The following ZNF385D variants were observed in gnomAD, a reference collection of about 807,000 sequenced individuals.
ZNF385D encodes the protein zinc finger protein 385D, also known as zinc finger protein 659.
In ZNF385D, 15 loss-of-function variants were observed where a neutral mutation model predicts 35.8. The observed-to-expected ratio is 0.42, with a 90% CI of 0.28 to 0.64. The LOEUF is 0.64. Ranked by LOEUF, ZNF385D falls within the 30% of genes least tolerant of loss-of-function variation. The pLI is 0.23. For missense variants in ZNF385D, 474 were observed against 494.6 expected (o/e 0.96, Z 0.39); for synonymous variants, 212 against 186.8 (o/e 1.13, Z -1.10).
At chr3:21,423,772 T>A (rs145421703) in intron 7 of ZNF385D, among the ~76,000 whole-genome samples, 191 bp downstream of exon 7, 5 of 152,334 alleles carry the variant, frequency 3.3e-5, no homozygotes, top group East Asian at 3.9e-4. Context: ...CCAGATTTCA[T>A]GGGATTACTT....
chr3:21,566,910 T>A (rs930623198), intron 2 of ZNF385D, among the ~76,000 whole-genome samples: 2 of 152,138 alleles, frequency 1.3e-5, no homozygotes, highest in African/African-American at 4.8e-5. Context: ...CATTTCTGTC[T>A]CAGTATTTTG....
rs187418235 is a variant in ZNF385D at position 22,308,266 on chromosome 3, G to A, written c.106+64184C>T. On this transcript the variant is annotated intron_variant, in intron 2 of 5. Transcript: ENST00000494108. ...ATTTTAGGTTATTACTCATCTGAGC[G>A]GAATTTTATATTATTAAAAAATAAT... Among the ~76,000 whole-genome samples the A allele has an allele frequency of 7.2e-5, 11 of 151,964 alleles. No homozygotes were observed. In the East Asian group the frequency reaches 1.5e-3, roughly 21 times the overall value.
At chr3:22,137,664 G>C (rs913676804) in intron 3 of ZNF385D, among the ~76,000 whole-genome samples, 21 of 152,078 alleles carry the variant, frequency 1.4e-4, no homozygotes, top group Non-Finnish European at 2.8e-4. Flanking sequence ...TTGATGGGAC[G>C]TATCTCAAAA....
At chr3:21,732,044 T>TTTTTTGAGAACGGCG (rs2069033691) in intron 1 of ZNF385D, among the ~76,000 whole-genome samples, 1 of 45,602 alleles carries the variant, frequency 2.2e-5, no homozygotes, top group Non-Finnish European at 5.2e-5. Flanking sequence ...TTTTTTTTTT[T>TTTTTTGAGAACGGCG]TTTTTTTTTT....
chr3:21,696,002 T>C lies in ZNF385D; in HGVS notation c.23-30974A>G, dbSNP rs562864292. 2.6e-5 allele frequency among the ~76,000 whole-genome samples: 4 copies of C among 152,238 alleles called. No individual in the cohort carries two copies. The South Asian group carries it at 8.3e-4, about 32-fold the overall frequency. ...ATTCTCATCATAACAGTGCTAGTGGTATTATAGCCCTGTTTTACAAATAAG... is the reference window on the plus strand; with the variant it reads ...ATTCTCATCATAACAGTGCTAGTGGCATTATAGCCCTGTTTTACAAATAAG... On this transcript the variant is annotated intron_variant, in intron 1 of 7. Transcript: ENST00000281523.
chr3:22,086,772 T>C (rs1701067736), intron 3 of ZNF385D, among the ~76,000 whole-genome samples: 1 of 152,302 alleles, frequency 6.6e-6, no homozygotes, highest in African/African-American at 2.4e-5. Context: ...GATGAGTTCA[T>C]GTCCTTTGTA....
At chr3:22,065,170 G>A (rs1259976021) in intron 3 of ZNF385D, among the ~76,000 whole-genome samples, 1 of 152,150 alleles carries the variant, frequency 6.6e-6, no homozygotes, top group Non-Finnish European at 1.5e-5. Context: ...GAGTTAGTAA[G>A]TCTTAGACTC....
At chr3:21,674,163 C>A (rs2066655015) in intron 1 of ZNF385D, among the ~76,000 whole-genome samples, 1 of 152,052 alleles carries the variant, frequency 6.6e-6, no homozygotes, top group Non-Finnish European at 1.5e-5. Flanking sequence ...TCTCAGGCTG[C>A]AGAAGGATCA....
intron 2 of ZNF385D, among the ~76,000 whole-genome samples, chr3:22,216,717 C>G (rs910239346): frequency 3.3e-5 from 5 of 152,074 alleles, no homozygotes; most frequent in African/African-American, 1.2e-4. Flanking sequence ...TATACCTCAT[C>G]TTGTTCTAAG....
At chr3:21,739,396 A>G (rs1038295662) in intron 1 of ZNF385D, among the ~76,000 whole-genome samples, 2 of 152,148 alleles carry the variant, frequency 1.3e-5, no homozygotes, top group Non-Finnish European at 2.9e-5. Flanking sequence ...TGTTTTAAGG[A>G]TATCGATTGT....
chr3:21,766,035 C>T (rs1308404211), intron 3 of ZNF385D, among the ~76,000 whole-genome samples: 1 of 151,796 alleles, frequency 6.6e-6, no homozygotes, highest in Non-Finnish European at 1.5e-5. Context: ...AAGGTAGCAG[C>T]ATTGTGAAGA....
intron 3 of ZNF385D, among the ~76,000 whole-genome samples, chr3:22,081,523 A>C (rs1485925699): frequency 6.6e-6 from 1 of 152,198 alleles, no homozygotes; most frequent in South Asian, 2.1e-4. Flanking sequence ...CCATTCACCA[A>C]AACAGTTTCC....
chr3:21,435,426 AT>A (rs1418584588), intron 5 of ZNF385D, among the ~76,000 whole-genome samples: 1 of 151,194 alleles, frequency 6.6e-6, no homozygotes, highest in African/African-American at 2.4e-5. Context: ...CCCAGCTAAC[AT>A]TTTTTTTCAT....
chr3:22,119,043 A>C (rs1559382626), intron 3 of ZNF385D, among the ~76,000 whole-genome samples: 2 of 152,146 alleles, frequency 1.3e-5, no homozygotes, highest in Non-Finnish European at 2.9e-5. Context: ...AAAATTGAAT[A>C]TTAATTATCT....
chr3:21,767,683 G>A (rs984520640), intron 3 of ZNF385D, among the ~76,000 whole-genome samples: 1 of 150,742 alleles, frequency 6.6e-6, no homozygotes, highest in Admixed American at 6.6e-5. Context: ...TAAGGTGGGG[G>A]GTGGGAGAGG....
chr3:22,106,328 A>G (rs1480167165), intron 3 of ZNF385D, among the ~76,000 whole-genome samples: 3 of 152,174 alleles, frequency 2.0e-5, no homozygotes, highest in Admixed American at 2.0e-4. Context: ...ATTACTGCTT[A>G]CATTTGAAAG....
At chr3:22,311,556 AAG>A (rs1703550522) in intron 2 of ZNF385D, among the ~76,000 whole-genome samples, 1 of 152,128 alleles carries the variant, frequency 6.6e-6, no homozygotes, top group African/African-American at 2.4e-5. Context: ...GGCAAAGACA[AAG>A]ACTGGTGGAA....
At chr3:21,430,150 G>C (rs1220523097) in intron 5 of ZNF385D, among the ~76,000 whole-genome samples, 1 of 151,746 alleles carries the variant, frequency 6.6e-6, no homozygotes, top group East Asian at 1.9e-4. Context: ...TCCTAAAGAA[G>C]AAAACTTTGG....
At chr3:21,624,129 A>G (rs944279601) in intron 2 of ZNF385D, among the ~76,000 whole-genome samples, 3 of 152,108 alleles carry the variant, frequency 2.0e-5, no homozygotes, top group African/African-American at 7.2e-5. Context: ...CAACCAATCA[A>G]CATCATTTAA....
Sources: allele counts gnomAD v4.1 joint callset (sites outside exome capture counted in the v4.1 genomes callset), GRCh38; gene constraint gnomAD v4.1.1; transcripts MANE v1.5; gene names NCBI Gene and HGNC (gene_info 2026-07-23, HGNC 2026-07-21).